The following SEPSECS variants were observed in gnomAD, a reference collection of about 807,000 sequenced individuals.
SEPSECS encodes O-phosphoseryl-tRNA(Sec) selenium transferase.
In SEPSECS, 42 loss-of-function variants were observed where a neutral mutation model predicts 52.1. The observed-to-expected ratio is 0.81, with a 90% CI of 0.63 to 1.04. The LOEUF (loss-of-function observed/expected upper bound fraction) is 1.04, where lower values mean the gene tolerates loss of function less well. Ranked by LOEUF, SEPSECS falls within the 50% of genes least tolerant of loss-of-function variation. The pLI is 0.00. For synonymous variants in SEPSECS, 216 were observed against 211.4 expected (o/e 1.02, Z -0.19); for missense variants, 590 against 610.6 (o/e 0.97, Z 0.36).
intron 8 of SEPSECS, among the ~76,000 whole-genome samples, chr4:25,131,774 A>G (rs572480812): frequency 6.6e-6 from 1 of 152,304 alleles, no homozygotes; most frequent in Non-Finnish European, 1.5e-5. Context: ...CTGAGCAGCC[A>G]TAGTGCTGTT....
At chr4:25,145,245 C>T (rs1239540391) in intron 6 of SEPSECS, 112 bp from the exon 7 acceptor site, 3 of 1,071,016 alleles carry the variant, frequency 2.8e-6, no homozygotes, top group Non-Finnish European at 4.2e-6. Flanking sequence ...AATATATTAG[C>T]CTGATTTAAC....
intron 3 of SEPSECS, 148 bp from the exon 4 acceptor site, chr4:25,156,343 C>A: frequency 1.6e-6 from 1 of 638,032 alleles, no homozygotes; most frequent in Non-Finnish European, 2.7e-6. Context: ...AGCTCAATGC[C>A]AAATTCAACT....
At chr4:25,127,136 T>C (rs971350539) in intron 9 of SEPSECS, 128 bp downstream of exon 9, 1 of 668,444 alleles carries the variant, frequency 1.5e-6, no homozygotes, top group Non-Finnish European at 2.6e-6. Context: ...AATTTACAAA[T>C]TAAAATACTG....
intron 8 of SEPSECS, among the ~76,000 whole-genome samples, chr4:25,135,552 G>C (rs1203354062): frequency 6.6e-6 from 1 of 152,104 alleles, no homozygotes; most frequent in Non-Finnish European, 1.5e-5. Context: ...AACAAGTTCT[G>C]AAATTGAGGC....
rs1194507895 is a variant in SEPSECS at position 25,156,085 on chromosome 4, A to G, written c.499T>C (p.Trp167Arg). ...HKRPKAKYII[W>R]PRIDQKSCFK... ...CAGGACTTCTGGTCTATTCGTGGCC[A>G]TATAATATACTTTGCCTTTGGTCTT... The change falls in exon 4 of 11, where the codon TGG (tryptophan) becomes CGG (arginine). Residue 167 changes from tryptophan (W) to arginine (R), a missense_variant. By Grantham distance (101) the Trp-to-Arg change is moderately radical (BLOSUM62 -3). Transcript: ENST00000382103. 2 of 1,614,058 alleles carry G rather than the reference A, an allele frequency of 1.2e-6. No individual in the cohort carries two copies. Among genetic ancestry groups the G allele is most frequent in the Admixed American group, 1.7e-5 (1 of 60,020 alleles).
chr4:25,147,709 ATACTC>A (rs1468291767), intron 6 of SEPSECS, among the ~76,000 whole-genome samples: 2 of 152,212 alleles, frequency 1.3e-5, no homozygotes, highest in African/African-American at 4.8e-5. Flanking sequence ...TGCATACAGA[ATACTC>A]TATATGCTCA....
rs1057394358 is a variant in SEPSECS at position 25,156,845 on chromosome 4, A to G, written c.388+11T>C. The G allele has an allele frequency of 7.3e-7, 1 of 1,376,066 alleles. No homozygotes were observed. The highest frequency in any genetic ancestry group is 1.4e-5 in the African/African-American group (1 of 70,232). 85.2% of individuals were successfully genotyped at this position (1,376,066 alleles called of 1,614,324 possible). A position where few individuals can be genotyped will look rare whatever the true frequency, so the allele number is the denominator to read the frequency against. On this transcript the variant is annotated intron_variant, in intron 3 of 10. Coordinates refer to ENST00000382103, the MANE Select transcript of SEPSECS (RefSeq NM_016955.4). ...GACAGCCAAAAGCATTATGATTAAG[A>G]CGGTACATACCAGCCAGCTTTATAA... is the stretch of plus-strand genomic sequence containing the variant.
At chr4:25,130,919 C>A in intron 8 of SEPSECS, among the ~76,000 whole-genome samples, 2 of 151,850 alleles carry the variant, frequency 1.3e-5, no homozygotes, top group South Asian at 2.1e-4. Context: ...TATAAGCAAC[C>A]CAAGCAAATG....
chr4:25,159,449 G>C (rs957333632), intron 1 of SEPSECS: 6 of 345,764 alleles, frequency 1.7e-5, no homozygotes, highest in African/African-American at 1.1e-4. Flanking sequence ...GTGGGACGTG[G>C]AGAAGGGCGG....
rs115959591 is a variant in SEPSECS at position 25,124,043 on chromosome 4, C to A, written c.1394G>T (p.Arg465Leu). Residue 465 changes from arginine (R) to leucine (L), a missense_variant, in exon 11 of 11, where the codon CGA (arginine) becomes CTA (leucine). Transcript: ENST00000382103. ...DRCLKAVRKE[R>L]SKESDDNYDK... ...ATAATTGTCATCACTCTCTTTACTT[C>A]GTTCTTTTCTTACTGCCTTTAAACA... is the stretch of plus-strand genomic sequence containing the variant. 4.0e-5 allele frequency: 64 copies of A among 1,613,616 alleles called. No individual in the cohort carries two copies. The highest frequency in any genetic ancestry group is 5.3e-5 in the Non-Finnish European group (62 of 1,179,726).
intron 8 of SEPSECS, among the ~76,000 whole-genome samples, chr4:25,143,411 G>A (rs549023879): frequency 1.3e-5 from 2 of 152,168 alleles, no homozygotes; most frequent in South Asian, 2.1e-4. Context: ...CCTTTTCCAG[G>A]ATGGCATATA....
At chr4:25,136,250 G>C (rs777172834) in intron 8 of SEPSECS, among the ~76,000 whole-genome samples, 4 of 152,192 alleles carry the variant, frequency 2.6e-5, no homozygotes, top group South Asian at 2.1e-4. Flanking sequence ...AATGGGAAGA[G>C]AGGAAGTCAA....
rs1226264587 is a variant in SEPSECS, at chr4:25,159,016, T to C, written c.206A>G (p.Asn69Ser). The change falls in exon 2 of 11, where the codon AAT (asparagine) becomes AGT (serine). Residue 69 changes from asparagine to serine, a missense_variant. Asn to Ser is a conservative substitution (Grantham distance 46). Transcript: ENST00000382103. Reference protein sequence around the residue: ...AIMDSNNFLGNCGVGEREGRV... With the variant: ...AIMDSNNFLGSCGVGEREGRV... ...CCCTTCCCTTTCTCCCACACCACAA[T>C]TGCCTAAGAAATTGTTGCTGTCCAT... is the stretch of plus-strand genomic sequence containing the variant. The C allele has an allele frequency of 1.1e-5, 17 of 1,613,788 alleles. No homozygotes were observed. Among genetic ancestry groups the C allele is most frequent in the East Asian group, 4.5e-5 (2 of 44,862 alleles).
intron 8 of SEPSECS, among the ~76,000 whole-genome samples, chr4:25,135,189 G>A (rs1422803636): frequency 6.8e-6 from 1 of 147,062 alleles, no homozygotes; most frequent in Non-Finnish European, 1.5e-5. Context: ...GCTAGCAGAA[G>A]ACAAGAAACA....
intron 6 of SEPSECS, among the ~76,000 whole-genome samples, chr4:25,146,896 T>C (rs2109023877): frequency 6.6e-6 from 1 of 152,312 alleles, no homozygotes; most frequent in Non-Finnish European, 1.5e-5. Context: ...CCTTCCACTC[T>C]TGCCTCCCTA....
intron 2 of SEPSECS, among the ~76,000 whole-genome samples, chr4:25,157,762 G>T (rs1226939018): frequency 6.6e-6 from 1 of 152,008 alleles, no homozygotes; most frequent in Non-Finnish European, 1.5e-5. Flanking sequence ...AGCCAGGATG[G>T]TGTGGATCTC....
chr4:25,158,844 T>G (rs1712856127), intron 2 of SEPSECS, 109 bp downstream of exon 2: 2 of 1,084,836 alleles, frequency 1.8e-6, no homozygotes, highest in African/African-American at 3.1e-5. Context: ...AGGGAAGAAG[T>G]GGTTTACAAA....
chr4:25,152,161 T>A, intron 5 of SEPSECS, 99 bp from the exon 6 acceptor site: 2 of 722,480 alleles, frequency 2.8e-6, no homozygotes, highest in Middle Eastern at 3.8e-4. Context: ...ATCCTTAATG[T>A]ACACCAAAGG....
At chr4:25,159,737 A>T (rs1310911436) in intron 1 of SEPSECS, 1 of 937,574 alleles carries the variant, frequency 1.1e-6, no homozygotes, top group Non-Finnish European at 1.3e-6. Context: ...GTCACACTGC[A>T]TTCCAGCCTG....
Sources: gnomAD v4.1 joint callset for allele counts (sites outside exome capture counted in the v4.1 genomes callset) on GRCh38, gnomAD v4.1.1 for gene constraint, MANE v1.5 for transcripts, NCBI Gene and HGNC (gene_info 2026-07-23, HGNC 2026-07-21) for gene names.